CNTN5: variants seen among roughly 807,000 people sequenced by gnomAD.
CNTN5 encodes contactin 5, also known as contactin-5.
CNTN5 carries 77 observed loss-of-function variants against 129.1 expected under a neutral mutation model. That is an observed-to-expected ratio of 0.60 (90% CI 0.50 to 0.72). The LOEUF (loss-of-function observed/expected upper bound fraction) is 0.72. CNTN5 is among the 30% of genes least tolerant of loss of function. CNTN5 has a pLI of 0.00. For synonymous variants in CNTN5, 509 were observed against 465.6 expected (o/e 1.09, Z -1.20); for missense variants, 1,478 against 1,328.8 (o/e 1.11, Z -1.75).
At chr11:99,083,942 C>G (rs529825849) in intron 1 of CNTN5, among the ~76,000 whole-genome samples, 1 of 152,220 alleles carries the variant, frequency 6.6e-6, no homozygotes, top group Non-Finnish European at 1.5e-5. Flanking sequence ...AATATTTTAT[C>G]TTTATTAAGA....
In CNTN5 at chr11:99,072,022, A is replaced by G. The variant is rs182956483; in HGVS notation, c.-210+50752A>G. Among the ~76,000 whole-genome samples, 18 of 152,296 alleles carry G rather than the reference A, an allele frequency of 1.2e-4. 1 individual carries two copies. The East Asian group carries it at 3.5e-3, about 29-fold the overall frequency. On this transcript the variant is annotated intron_variant, in intron 1 of 24. Coordinates refer to ENST00000524871, the MANE Select transcript of CNTN5 (RefSeq NM_014361.4). ...AACACATTTAACAAATGATCCCAAA[A>G]GAAAATTAGCTGATAAAGTACTTAG...
intron 2 of CNTN5, among the ~76,000 whole-genome samples, chr11:99,353,896 CA>C (rs754797007): frequency 2.0e-5 from 3 of 152,058 alleles, no homozygotes; most frequent in Non-Finnish European, 4.4e-5. Flanking sequence ...GTAACTGCTC[CA>C]AAGAAAAAAA....
intron 3 of CNTN5, among the ~76,000 whole-genome samples, chr11:99,811,220 A>G (rs924436136): frequency 6.6e-6 from 1 of 152,010 alleles, no homozygotes; most frequent in Non-Finnish European, 1.5e-5. Flanking sequence ...TTATCAATCA[A>G]TATTTTAGGA....
At chr11:99,397,344 T>C (rs1941577607) in intron 2 of CNTN5, among the ~76,000 whole-genome samples, 1 of 151,778 alleles carries the variant, frequency 6.6e-6, no homozygotes, top group African/African-American at 2.4e-5. Context: ...GGCAGAGATT[T>C]TTCTATGTAA....
At chr11:99,504,040 A>G (rs1466916077) in intron 2 of CNTN5, among the ~76,000 whole-genome samples, 1 of 152,152 alleles carries the variant, frequency 6.6e-6, no homozygotes, top group East Asian at 1.9e-4. Context: ...TGCTTGGCTT[A>G]CAAGATTTTT....
intron 1 of CNTN5, among the ~76,000 whole-genome samples, chr11:99,310,936 TTA>T (rs1228237710): frequency 1.5e-4 from 4 of 26,956 alleles, no homozygotes; most frequent in Admixed American, 5.9e-4. Context: ...TGATTATTTA[TTA>T]TTTTTTTTTT....
intron 1 of CNTN5, among the ~76,000 whole-genome samples, chr11:99,159,539 G>A (rs1419861254): frequency 6.6e-6 from 1 of 152,010 alleles, no homozygotes; most frequent in Admixed American, 6.5e-5. Flanking sequence ...GGAGAATGGC[G>A]TGAACCCGGG....
intron 8 of CNTN5, among the ~76,000 whole-genome samples, chr11:99,969,256 C>T (rs961996078): frequency 1.3e-5 from 2 of 152,046 alleles, no homozygotes; most frequent in Admixed American, 6.6e-5. Context: ...AAATATATAT[C>T]TAACTTAGTC....
intron 3 of CNTN5, among the ~76,000 whole-genome samples, chr11:99,766,570 T>C (rs1944763070): frequency 6.6e-6 from 1 of 152,032 alleles, no homozygotes; most frequent in African/African-American, 2.4e-5. Flanking sequence ...CAAAAGAGAA[T>C]ATAGGTTGAG....
chr11:99,885,513 G>A (rs1444681892), intron 6 of CNTN5, among the ~76,000 whole-genome samples: 2 of 152,008 alleles, frequency 1.3e-5, no homozygotes, highest in African/African-American at 4.8e-5. Context: ...TTGTAAATAA[G>A]CAAAACTGAG....
intron 13 of CNTN5, among the ~76,000 whole-genome samples, chr11:100,132,457 G>A (rs915736560): frequency 6.6e-6 from 1 of 152,084 alleles, no homozygotes; most frequent in Admixed American, 6.6e-5. Flanking sequence ...TAATAGTTGA[G>A]GAAGTAAAGT....
At chr11:99,233,758 T>C (rs940242769) in intron 1 of CNTN5, among the ~76,000 whole-genome samples, 2 of 152,076 alleles carry the variant, frequency 1.3e-5, no homozygotes, top group African/African-American at 4.8e-5. Flanking sequence ...CCATCCTGGC[T>C]GACCCGGTGA....
chr11:99,088,402 G>C (rs567587643), intron 1 of CNTN5, among the ~76,000 whole-genome samples: 4 of 152,240 alleles, frequency 2.6e-5, no homozygotes, highest in African/African-American at 9.6e-5. Context: ...TCGGCCTTGA[G>C]ATCAAGGCCG....
At position 100,340,652 on chromosome 11, in the gene CNTN5, A is replaced by G; in HGVS notation, c.2917+3A>G. 1 of 1,589,082 alleles carries G rather than the reference A, an allele frequency of 6.3e-7. No homozygotes were observed. The highest frequency in any genetic ancestry group is 1.9e-5 in the Admixed American group (1 of 53,686). ...GAGTGCAACCACCAAGAAATCCCGTAAGTGACCTGGGCTTTTTGTTTGTTT... is the reference window on the plus strand; with the variant it reads ...GAGTGCAACCACCAAGAAATCCCGTGAGTGACCTGGGCTTTTTGTTTGTTT... On this transcript the variant is annotated splice_donor_region_variant and intron_variant, in intron 22 of 24. Transcript: ENST00000524871.
At chr11:99,177,939 C>T (rs1257979019) in intron 1 of CNTN5, among the ~76,000 whole-genome samples, 1 of 152,082 alleles carries the variant, frequency 6.6e-6, no homozygotes, top group East Asian at 1.9e-4. Context: ...CAGCAGCAGT[C>T]AACTTTGTAG....
intron 24 of CNTN5, among the ~76,000 whole-genome samples, chr11:100,353,879 T>G (rs1173108337): frequency 2.0e-5 from 3 of 151,406 alleles, no homozygotes; most frequent in Non-Finnish European, 4.4e-5. Context: ...GAAAATAAAT[T>G]CAGACTCTAT....
intron 13 of CNTN5, among the ~76,000 whole-genome samples, chr11:100,123,492 T>C (rs1946092216): frequency 6.6e-6 from 1 of 152,012 alleles, no homozygotes; most frequent in African/African-American, 2.4e-5. Flanking sequence ...ATTTAACTGA[T>C]TACAATGCCA....
chr11:100,105,790 G>A (rs1011220275), intron 13 of CNTN5, among the ~76,000 whole-genome samples: 2 of 151,700 alleles, frequency 1.3e-5, no homozygotes, highest in Non-Finnish European at 1.5e-5. Context: ...CTCCCAGCCA[G>A]GTCTTCAGGT....
intron 1 of CNTN5, among the ~76,000 whole-genome samples, chr11:99,220,397 A>C (rs1860339669): frequency 6.6e-6 from 1 of 151,970 alleles, no homozygotes; most frequent in African/African-American, 2.4e-5. Flanking sequence ...ATTTGCTTAC[A>C]TAAATATTAC....
Sources: allele counts gnomAD v4.1 joint callset (sites outside exome capture counted in the v4.1 genomes callset), GRCh38; gene constraint gnomAD v4.1.1; transcripts MANE v1.5; gene names NCBI Gene and HGNC (gene_info 2026-07-23, HGNC 2026-07-21).